The following AHI1 variants were observed in gnomAD, a reference collection of about 807,000 sequenced individuals.
AHI1 encodes jouberin.
AHI1 carries 123 observed loss-of-function variants against 149.3 expected under a neutral mutation model. That is an observed-to-expected ratio of 0.82 (90% CI 0.71 to 0.96). The LOEUF (loss-of-function observed/expected upper bound fraction) is 0.96, where lower values mean the gene tolerates loss of function less well. Among genes scored for constraint, AHI1 ranks in the 40% least tolerant of loss-of-function variants. The probability of loss-of-function intolerance (pLI) is 0.00; values close to 1 mark genes in which losing one functional copy is unlikely to be tolerated. For missense variants in AHI1, 1,439 were observed against 1,422.7 expected (o/e 1.01, Z -0.18); for synonymous variants, 475 against 459.8 (o/e 1.03, Z -0.42).
At chr6:135,463,421 T>C (rs1290785310) in intron 7 of AHI1, 115 bp from the exon 8 acceptor site, 4 of 870,226 alleles carry the variant, frequency 4.6e-6, no homozygotes, top group Non-Finnish European at 6.7e-6. Flanking sequence ...AAATCACTAT[T>C]ATTGTCTCTT....
intron 3 of AHI1, among the ~76,000 whole-genome samples, chr6:135,494,026 A>C (rs1265599336): frequency 6.6e-6 from 1 of 152,202 alleles, no homozygotes; most frequent in Non-Finnish European, 1.5e-5. Flanking sequence ...TGATGGAGTG[A>C]GGTAATATTT....
chr6:135,481,567 A>G (rs1793647116), intron 5 of AHI1, among the ~76,000 whole-genome samples: 2 of 151,998 alleles, frequency 1.3e-5, no homozygotes, highest in African/African-American at 4.8e-5. Flanking sequence ...TCCTATTAAA[A>G]AAACCTAATT....
In AHI1 at chr6:135,465,501, G is replaced by GAGT. The variant is rs942167571; in HGVS notation, c.749+310_749+312dup. On this transcript the variant is annotated intron_variant, in intron 7 of 28. Coordinates refer to ENST00000265602, the MANE Select transcript of AHI1 (RefSeq NM_001134831.2). ...TATTACTTTGAAAGCAGATGTAAGT[G>GAGT]AGTAGTTCAGGGTAGGGACAAGGAT... Among the ~76,000 whole-genome samples the GAGT allele has an allele frequency of 2.5e-3, 375 of 152,326 alleles. 1 individual carries two copies. Among genetic ancestry groups the GAGT allele is most frequent in the African/African-American group, 8.5e-3 (354 of 41,574 alleles).
chr6:135,497,401 C>T (rs1796117498), intron 1 of AHI1, among the ~76,000 whole-genome samples, 152 bp from the exon 2 acceptor site: 1 of 152,230 alleles, frequency 6.6e-6, no homozygotes, highest in Non-Finnish European at 1.5e-5. Flanking sequence ...CGCAAAAGTA[C>T]GGTGAGGACT....
At chr6:135,474,060 T>G (rs1310087320) in intron 5 of AHI1, among the ~76,000 whole-genome samples, 3 of 152,206 alleles carry the variant, frequency 2.0e-5, no homozygotes, top group African/African-American at 7.2e-5. Flanking sequence ...GTATTAATTT[T>G]GCACAACTGT....
intron 24 of AHI1, among the ~76,000 whole-genome samples, chr6:135,333,948 T>C (rs973312358): frequency 4.6e-5 from 7 of 152,260 alleles, no homozygotes; most frequent in African/African-American, 1.7e-4. Flanking sequence ...CATAGCTTTA[T>C]TGTTTGTGAT....
At chr6:135,459,995 T>C (rs1301397392) in intron 8 of AHI1, among the ~76,000 whole-genome samples, 1 of 152,052 alleles carries the variant, frequency 6.6e-6, no homozygotes, top group Non-Finnish European at 1.5e-5. Flanking sequence ...AGTTTGAGAC[T>C]AGCCTGGAAA....
At chr6:135,470,755 G>A (rs1215344339) in intron 5 of AHI1, among the ~76,000 whole-genome samples, 1 of 152,010 alleles carries the variant, frequency 6.6e-6, no homozygotes, top group Non-Finnish European at 1.5e-5. Flanking sequence ...CATGGACACA[G>A]GGAGAGGAAC....
chr6:135,380,062 G>A (rs1776511148), intron 23 of AHI1, among the ~76,000 whole-genome samples: 1 of 136,294 alleles, frequency 7.3e-6, no homozygotes, highest in South Asian at 2.4e-4. Context: ...CTTCTTCTTT[G>A]TCGTCATCTG....
chr6:135,457,865 T>C (rs1035632529), intron 8 of AHI1, among the ~76,000 whole-genome samples, 152 bp from the exon 9 acceptor site: 1 of 152,216 alleles, frequency 6.6e-6, no homozygotes. Context: ...CAGCAAACCA[T>C]AGTGTGAAAG....
At chr6:135,483,265 G>A (rs960778243) in intron 5 of AHI1, among the ~76,000 whole-genome samples, 2 of 151,958 alleles carry the variant, frequency 1.3e-5, no homozygotes, top group African/African-American at 4.8e-5. Context: ...TTTTGACACA[G>A]CCAAGGTAAT....
intron 23 of AHI1, among the ~76,000 whole-genome samples, chr6:135,393,209 G>A (rs992587847): frequency 6.6e-6 from 1 of 151,728 alleles, no homozygotes; most frequent in African/African-American, 2.4e-5. Flanking sequence ...TGTCTCAGTG[G>A]TAATCCTTCT....
rs773978949 is a variant in AHI1 at position 135,455,741 on chromosome 6, A to T, written c.1337T>A (p.Phe446Tyr). Residue 446 changes from phenylalanine to tyrosine, a missense_variant, in exon 10 of 29, where the codon TTC becomes TAC. Phe to Tyr is a conservative substitution (Grantham distance 22, BLOSUM62 3). Transcript: ENST00000265602. ...GSDESPKVILFFEILDFLSVD... is the reference protein window; with the variant it reads ...GSDESPKVILYFEILDFLSVD... ...GGTCCATTCAATTCATACCTCAAAG[A>T]ACAGGATGACTTTAGGACTCTCATC... The T allele has an allele frequency of 1.9e-6, 3 of 1,589,982 alleles. No homozygotes were observed. Among genetic ancestry groups the T allele is most frequent in the Admixed American group, 1.7e-5 (1 of 58,460 alleles).
chr6:135,411,153 G>A (rs929146099), intron 21 of AHI1, among the ~76,000 whole-genome samples, 195 bp downstream of exon 21: 1 of 152,156 alleles, frequency 6.6e-6, no homozygotes, highest in Admixed American at 6.5e-5. Context: ...AGAACAGCAT[G>A]ATAGATTATC....
intron 26 of AHI1, chr6:135,302,519 A>G: frequency 9.8e-7 from 1 of 1,019,464 alleles, no homozygotes; most frequent in East Asian, 9.7e-5. Flanking sequence ...GGTCCCTGCC[A>G]TCTTTTCTAC....
At chr6:135,424,829 C>G (rs1338728701) in intron 20 of AHI1, among the ~76,000 whole-genome samples, 2 of 151,832 alleles carry the variant, frequency 1.3e-5, no homozygotes, top group Non-Finnish European at 2.9e-5. Context: ...TTTTTTTAAA[C>G]ACCACTTAAA....
chr6:135,303,525 TGG>T (rs1348241805), intron 26 of AHI1, among the ~76,000 whole-genome samples: 1 of 151,484 alleles, frequency 6.6e-6, no homozygotes, highest in East Asian at 1.9e-4. Flanking sequence ...CTGTGTGGCC[TGG>T]GTAAACCACT....
At chr6:135,443,593 C>T (rs1786676688) in intron 13 of AHI1, among the ~76,000 whole-genome samples, 1 of 152,144 alleles carries the variant, frequency 6.6e-6, no homozygotes, top group Non-Finnish European at 1.5e-5. Flanking sequence ...TCAAGCCTAG[C>T]TTAATGGACC....
intron 5 of AHI1, among the ~76,000 whole-genome samples, chr6:135,479,398 T>A (rs1793236605): frequency 6.6e-6 from 1 of 152,088 alleles, no homozygotes; most frequent in Non-Finnish European, 1.5e-5. Flanking sequence ...TGTGTCAGGG[T>A]CGTCTAGATG....
Sources: allele counts gnomAD v4.1 joint callset (sites outside exome capture counted in the v4.1 genomes callset), GRCh38; gene constraint gnomAD v4.1.1; transcripts MANE v1.5; gene names NCBI Gene and HGNC (gene_info 2026-07-23, HGNC 2026-07-21).